The following KSR2 variants were observed in gnomAD, a reference collection of about 807,000 sequenced individuals.
KSR2 encodes the protein kinase suppressor of ras 2.
In KSR2, 25 loss-of-function variants were observed where a neutral mutation model predicts 107.8. The ratio of observed to expected loss-of-function variants is 0.23; its 90% CI spans 0.17 to 0.32. The LOEUF (loss-of-function observed/expected upper bound fraction) is 0.32. Ranked by LOEUF, KSR2 falls within the 10% of genes least tolerant of loss-of-function variation. The pLI, the probability that KSR2 is intolerant of heterozygous loss-of-function variation, is 1.00. For synonymous variants in KSR2, 480 were observed against 507.0 expected (o/e 0.95, Z 0.71); for missense variants, 887 against 1,268.9 (o/e 0.70, Z 4.57).
intron 13 of KSR2, among the ~76,000 whole-genome samples, chr12:117,526,753 T>C (rs1163750155): frequency 6.6e-6 from 1 of 152,176 alleles, no homozygotes; most frequent in Non-Finnish European, 1.5e-5. Flanking sequence ...TCCCACATAT[T>C]CTTTTGAAGG....
At chr12:117,896,993 C>G (rs1354154579) in intron 1 of KSR2, among the ~76,000 whole-genome samples, 1 of 152,130 alleles carries the variant, frequency 6.6e-6, no homozygotes, top group African/African-American at 2.4e-5. Context: ...CCTGACAAGA[C>G]AGGTGCTGTG....
intron 14 of KSR2, among the ~76,000 whole-genome samples, chr12:117,511,343 T>G (rs1874013741): frequency 6.6e-6 from 1 of 152,162 alleles, no homozygotes; most frequent in Non-Finnish European, 1.5e-5. Context: ...TACCCAAGAG[T>G]AAGAGAAGTG....
chr12:117,811,401 G>C (rs149558228), intron 3 of KSR2, among the ~76,000 whole-genome samples: 6 of 152,316 alleles, frequency 3.9e-5, no homozygotes, highest in African/African-American at 1.2e-4. Context: ...CTGTCCAGCA[G>C]CATCGGCAAC....
chr12:117,912,159 G>A (rs554811951), intron 1 of KSR2, among the ~76,000 whole-genome samples: 3 of 152,292 alleles, frequency 2.0e-5, no homozygotes, highest in Admixed American at 6.5e-5. Context: ...TGTGATAAAC[G>A]AAAGTCCTGG....
At chr12:117,569,649 C>A (rs11068545) in intron 7 of KSR2, among the ~76,000 whole-genome samples, 41,693 of 152,052 alleles carry the variant, frequency 0.27, 7,051 homozygotes, top group Non-Finnish European at 0.37. Flanking sequence ...GGTGGCTAAC[C>A]TAGGCCTGAC....
chr12:117,585,373 T>C (rs530694930), intron 5 of KSR2, among the ~76,000 whole-genome samples: 2 of 152,228 alleles, frequency 1.3e-5, no homozygotes, highest in Non-Finnish European at 2.9e-5. Context: ...GTTATTCAGT[T>C]ATTCTCAATT....
chr12:117,657,573 T>C lies in KSR2; in HGVS notation c.1171+9901A>G, dbSNP rs574001468. On this transcript the variant is annotated intron_variant, in intron 5 of 19. Coordinates refer to ENST00000339824, the MANE Select transcript of KSR2 (RefSeq NM_173598.6). ...GGGCAGTTTTTCTTGGACACTTGCT[T>C]CCCTAGTCAGTTAAGCAGGAGAAAC... Among the ~76,000 whole-genome samples the C allele has an allele frequency of 5.9e-5, 9 of 152,320 alleles. No individual in the cohort carries two copies. The East Asian group carries it at 1.7e-3, about 29-fold the overall frequency.
At position 117,928,773 on chromosome 12, in the gene KSR2, A is replaced by G. The variant is rs538774126; in HGVS notation, c.180+39303T>C. 1.4e-4 allele frequency among the ~76,000 whole-genome samples: 22 copies of G among 152,334 alleles called. No individual in the cohort carries two copies. The South Asian group carries it at 4.6e-3, about 32-fold the overall frequency. ...TTTAGTGGAAACCAATATTTGTTGA[A>G]TATTTACAAGCCAGGCACTTGAATT... On this transcript the variant is annotated intron_variant, in intron 1 of 19. Transcript: ENST00000339824.
intron 1 of KSR2, among the ~76,000 whole-genome samples, chr12:117,935,692 G>A (rs1017618725): frequency 3.3e-5 from 5 of 152,144 alleles, no homozygotes; most frequent in Admixed American, 6.5e-5. Context: ...ACAGGGAGGT[G>A]GAGATTGCAG....
chr12:117,530,876 G>A, intron 12 of KSR2, 65 bp downstream of exon 12: 1 of 1,377,256 alleles, frequency 7.3e-7, no homozygotes, highest in Non-Finnish European at 1.0e-6. Context: ...TAGGGAACCT[G>A]AGTGGATTGT....
intron 1 of KSR2, among the ~76,000 whole-genome samples, chr12:117,934,782 C>T (rs912943623): frequency 2.6e-5 from 4 of 152,214 alleles, no homozygotes; most frequent in African/African-American, 9.6e-5. Flanking sequence ...CATGGCTCAC[C>T]GGCCTGGTGC....
intron 4 of KSR2, among the ~76,000 whole-genome samples, chr12:117,732,155 C>T (rs888635449): frequency 2.6e-5 from 4 of 152,108 alleles, no homozygotes; most frequent in Non-Finnish European, 4.4e-5. Context: ...AAACCCTGGT[C>T]GTGAGGTGGT....
At position 117,761,839 on chromosome 12, in the gene KSR2, TATATGCACATATC is replaced by T. The variant is rs1889044024; in HGVS notation, c.473-328_473-316del. Among the ~76,000 whole-genome samples the T allele has an allele frequency of 2.0e-5, 3 of 152,216 alleles. No homozygotes were observed. The South Asian group carries it at 6.2e-4, about 32-fold the overall frequency. On this transcript the variant is annotated intron_variant, in intron 3 of 19. Transcript: ENST00000339824. ...TATATCTGTTATGTTGTATGCATGT[TATATGCACATATC>T]ATATGCACATTACACCATATGCATG... is the stretch of plus-strand genomic sequence containing the variant.
chr12:117,694,419 C>T (rs994317242), intron 4 of KSR2, among the ~76,000 whole-genome samples: 2 of 152,194 alleles, frequency 1.3e-5, no homozygotes, highest in Non-Finnish European at 2.9e-5. Flanking sequence ...TTCCACCATG[C>T]TTGTGAGGCC....
rs762853268 is a variant in KSR2, at chr12:117,582,258, T to C, written c.1241+32A>G. ...CCCCACCCCTCACAGAGCTGAGAAG[T>C]AGGCACCAGTGCACACAGGAATCCA... On this transcript the variant is annotated intron_variant, in intron 6 of 19. Transcript: ENST00000339824. The C allele has an allele frequency of 8.2e-6, 13 of 1,594,150 alleles. No individual in the cohort carries two copies. The Admixed American group carries it at 8.3e-5, about 10-fold the overall frequency.
rs542922610 is a variant in KSR2 at position 117,892,900 on chromosome 12, C to A, written c.181-32469G>T. ...AAATGCAGGACTGTGGCTGCCCTGTCCCATGTCCTAATCAGCACAAGACAA... is the reference window on the plus strand; with the variant it reads ...AAATGCAGGACTGTGGCTGCCCTGTACCATGTCCTAATCAGCACAAGACAA... On this transcript the variant is annotated intron_variant, in intron 1 of 19. Transcript: ENST00000339824. 3.9e-5 allele frequency among the ~76,000 whole-genome samples: 6 copies of A among 152,006 alleles called. No individual in the cohort carries two copies. In the East Asian group the frequency reaches 1.2e-3, roughly 29 times the overall value.
rs1239189934 is a variant in KSR2, at chr12:117,531,017, A to C, written c.1730-4T>G. On this transcript the variant is annotated splice_region_variant and splice_polypyrimidine_tract_variant and intron_variant, in intron 11 of 19. Transcript: ENST00000339824. ...GTCTCCGGCACCGGCACCACATCTG[A>C]AAACCAGAGATTGAACACTCAGAAA... 22 of 1,613,046 alleles carry C rather than the reference A, an allele frequency of 1.4e-5. No individual in the cohort carries two copies. Among genetic ancestry groups the C allele is most frequent in the Non-Finnish European group, 1.9e-5 (22 of 1,179,408 alleles).
intron 4 of KSR2, among the ~76,000 whole-genome samples, chr12:117,699,011 A>G (rs1886191382): frequency 6.6e-6 from 1 of 152,120 alleles, no homozygotes; most frequent in Non-Finnish European, 1.5e-5. Context: ...CCTTCATCTA[A>G]AAGAGCAGCT....
chr12:117,815,990 AGTGTGTGTGTGTGTGTGTGTGTGTGTGT>A (rs35013081), intron 3 of KSR2, among the ~76,000 whole-genome samples: 1 of 113,586 alleles, frequency 8.8e-6, no homozygotes, highest in African/African-American at 3.2e-5. Flanking sequence ...AAAAAAATAA[AGTGTGTGTGTGTGTGTGTGTGTGTGTGT>A]GTGTGTGTGT....
Sources: allele counts gnomAD v4.1 joint callset (sites outside exome capture counted in the v4.1 genomes callset), GRCh38; gene constraint gnomAD v4.1.1; transcripts MANE v1.5; gene names NCBI Gene and HGNC (gene_info 2026-07-23, HGNC 2026-07-21).